The following ITFG2 variants were observed in gnomAD, a reference collection of about 807,000 sequenced individuals.
ITFG2 encodes the protein integrin alpha FG-GAP repeat containing 2.
In ITFG2, 36 loss-of-function variants were observed where a neutral mutation model predicts 54.4. The observed-to-expected ratio is 0.66, with a 90% confidence interval of 0.51 to 0.87. ITFG2 has a LOEUF of 0.87. ITFG2 is among the 40% of genes least tolerant of loss of function. The probability of loss-of-function intolerance (pLI) is 0.00; values close to 1 mark genes in which losing one functional copy is unlikely to be tolerated. For missense variants in ITFG2, 524 were observed against 576.7 expected, an observed-to-expected ratio of 0.91 and a Z score of 0.94; for synonymous variants, 211 against 225.4, an observed-to-expected ratio of 0.94 and a Z score of 0.57.
At chr12:2,835,295 G>T (rs2153926636), upstream of ITFG2, among the ~76,000 whole-genome samples, 1 of 152,228 alleles carries the variant, frequency 6.6e-6, no homozygotes, top group South Asian at 2.1e-4. Flanking sequence ...GGGGGCAGCA[G>T]CCTTAGTGCA....
intron 2 of ITFG2, among the ~76,000 whole-genome samples, chr12:2,848,795 A>G (rs902299707): frequency 2.6e-5 from 4 of 151,702 alleles, no homozygotes; most frequent in East Asian, 3.9e-4. Context: ...CTCATTCCCA[A>G]TGGGTTATGA....
At chr12:2,820,039 G>A (rs775128534) in intron 4 of ITFG2, 47 bp from the exon 5 acceptor site, 8 of 1,566,302 alleles carry the variant, frequency 5.1e-6, no homozygotes, top group Non-Finnish European at 6.9e-6. Context: ...GAGGAGCGGG[G>A]GCTGCTCGTG....
chr12:2,851,370 C>T (rs1439036758), intron 2 of ITFG2, among the ~76,000 whole-genome samples: 1 of 152,142 alleles, frequency 6.6e-6, no homozygotes, highest in Non-Finnish European at 1.5e-5. Flanking sequence ...GAGATGGAGT[C>T]TGACTCTGTC....
chr12:2,839,678 A>G (rs1337978724), intron 1 of ITFG2, among the ~76,000 whole-genome samples: 1 of 152,182 alleles, frequency 6.6e-6, no homozygotes, highest in East Asian at 1.9e-4. Flanking sequence ...TGGAGTTCAC[A>G]TTCTAATGGA....
chr12:2,850,676 T>G (rs1001379359), intron 2 of ITFG2, among the ~76,000 whole-genome samples: 15 of 151,722 alleles, frequency 9.9e-5, no homozygotes, highest in African/African-American at 3.6e-4. Flanking sequence ...TTGTTTTGTT[T>G]TGTTTTGTTT....
intron 2 of ITFG2, chr12:2,830,772 T>A (rs745641370): frequency 6.2e-7 from 1 of 1,613,964 alleles, no homozygotes; most frequent in Admixed American, 1.7e-5. Flanking sequence ...CTCCTGGCCA[T>A]GAATCAGGTC....
At chr12:2,858,228 G>T (rs2098095324) in exon 3 of ITFG2, 1 of 161,708 alleles carries the variant, frequency 6.2e-6, no homozygotes, top group Non-Finnish European at 1.4e-5. Context: ...CCTTCTGGCA[G>T]TCTCTGGATA....
chr12:2,832,128 C>T (rs1413251162), upstream of ITFG2, among the ~76,000 whole-genome samples: 4 of 152,078 alleles, frequency 2.6e-5, no homozygotes, highest in East Asian at 3.8e-4. Flanking sequence ...TCATACCTAC[C>T]GAATCAGATG....
chr12:2,817,470 G>A (rs1193365027), intron 2 of ITFG2, 152 bp downstream of exon 2: 1 of 607,638 alleles, frequency 1.6e-6, no homozygotes, highest in Non-Finnish European at 2.9e-6. Context: ...TTGATTCAGG[G>A]AGGGCAGCCC....
At position 2,824,991 on chromosome 12, in the gene ITFG2, CTG is replaced by C. The variant is rs1565420741; in HGVS notation, c.*801_*802del. The C allele has an allele frequency of 6.6e-6, 1 of 152,288 alleles. No homozygotes were observed. Among genetic ancestry groups the C allele is most frequent in the Non-Finnish European group, 1.5e-5 (1 of 68,110 alleles). 9.4% of individuals were successfully genotyped at this position (152,288 alleles called of 1,614,324 possible). A position where few individuals can be genotyped will look rare whatever the true frequency, so the allele number is the denominator to read the frequency against. ...ATGCTCTAAATCGGTGTTTTTCAAACTGTGGTTGCAGTCCTTTGGTGGATTAT... is the reference window on the plus strand; with the variant it reads ...ATGCTCTAAATCGGTGTTTTTCAAACTGGTTGCAGTCCTTTGGTGGATTAT... On this transcript the variant is annotated 3_prime_UTR_variant, in exon 12 of 12. Transcript: ENST00000228799.
At chr12:2,848,079 G>C (rs1362428432) in intron 2 of ITFG2, among the ~76,000 whole-genome samples, 3 of 152,208 alleles carry the variant, frequency 2.0e-5, no homozygotes, top group African/African-American at 7.2e-5. Context: ...GAACCTGAAA[G>C]CCAGAGGGAA....
chr12:2,827,147 C>T, downstream of ITFG2: 1 of 1,610,228 alleles, frequency 6.2e-7, no homozygotes, highest in Non-Finnish European at 8.5e-7. The surrounding 1 kb of genome is among the most constrained non-coding windows in gnomAD (Gnocchi z 4.0). Context: ...GCCCCCGTTC[C>T]CCACACGCCT....
chr12:2,821,321 A>C lies in ITFG2; in HGVS notation c.755A>C (p.Lys252Thr). 1.2e-6 allele frequency: 2 copies of C among 1,610,038 alleles called. No homozygotes were observed. The highest frequency in any genetic ancestry group is 1.7e-5 in the Admixed American group (1 of 59,492). ...LHQTSGRIHNKNVSTHLIGNI... is the reference protein window; with the variant it reads ...LHQTSGRIHNTNVSTHLIGNI... ...CAGACATCTGGCCGTATCCACAACA[A>C]GAATGTCTCCACTCACCTAATTGGC... Residue 252 changes from lysine to threonine, a missense_variant, in exon 7 of 12, where the codon AAG becomes ACG. Coordinates refer to ENST00000228799, the MANE Select transcript of ITFG2 (RefSeq NM_018463.4).
rs1295907901 is a variant in ITFG2 at position 2,817,526 on chromosome 12, G to T, written c.192+208G>T. On this transcript the variant is annotated intron_variant, in intron 2 of 11. Transcript: ENST00000228799. ...TCCTCACACACGCGTGCGTGGGCTG[G>T]GGTGTTTTTGTGTCGTGGAGTACTC... 3 of 570,972 alleles carry T rather than the reference G, an allele frequency of 5.3e-6. No individual in the cohort carries two copies. The East Asian group carries it at 8.5e-5, about 16-fold the overall frequency. The allele number at this position is 570,972 out of a possible 1,614,324, so 35.4% of individuals were successfully genotyped here.
At chr12:2,836,237 G>A (rs944567533), upstream of ITFG2, among the ~76,000 whole-genome samples, 27 of 152,176 alleles carry the variant, frequency 1.8e-4, no homozygotes, top group African/African-American at 6.5e-4. Context: ...CTGCACACAG[G>A]GGCTCCTGAG....
At chr12:2,855,507 G>A in intron 2 of ITFG2, 2 of 1,291,440 alleles carry the variant, frequency 1.5e-6, no homozygotes, top group Middle Eastern at 2.9e-4. Context: ...AGAAAGGTGG[G>A]TGAGGCACTC....
In ITFG2 at chr12:2,844,093, A is replaced by G. The variant is rs139385702; in HGVS notation, n.300+3098A>G. On this transcript the variant is annotated intron_variant and non_coding_transcript_variant, in intron 2 of 3. Transcript: ENST00000537710. ...AGCATGGCGAAACCCCATCTCTACTAAAAATACAAAAAAAAATAGCCAGGC... is the reference window on the plus strand; with the variant it reads ...AGCATGGCGAAACCCCATCTCTACTGAAAATACAAAAAAAAATAGCCAGGC... 2.4e-3 allele frequency among the ~76,000 whole-genome samples: 348 copies of G among 145,552 alleles called. 28 individuals are homozygous for G. Among genetic ancestry groups the G allele is most frequent in the African/African-American group, 8.6e-3 (331 of 38,412 alleles).
intron 4 of ITFG2, chr12:2,818,570 G>A (rs1038048516): frequency 2.2e-6 from 1 of 446,466 alleles, no homozygotes; most frequent in Non-Finnish European, 4.1e-6. Flanking sequence ...GGCTGAGATG[G>A]GAGGATCACT....
intron 2 of ITFG2, among the ~76,000 whole-genome samples, chr12:2,848,799 G>A (rs2098060319): frequency 6.6e-6 from 1 of 151,880 alleles, no homozygotes; most frequent in Admixed American, 6.6e-5. Flanking sequence ...TTCCCAATGG[G>A]TTATGAGAGT....
Sources: gnomAD v4.1 joint callset for allele counts (sites outside exome capture counted in the v4.1 genomes callset) on GRCh38, gnomAD v4.1.1 for gene constraint, Gnocchi (gnomAD v3.1) non-coding constraint, MANE v1.5 for transcripts, NCBI Gene and HGNC (gene_info 2026-07-23, HGNC 2026-07-21) for gene names.